DBH: variants seen among roughly 807,000 people sequenced by gnomAD.
DBH encodes the protein dopamine beta-hydroxylase (dopamine beta-monooxygenase).
In DBH, 49 loss-of-function variants were observed where a neutral mutation model predicts 64.0. The observed-to-expected ratio is 0.77, with a 90% confidence interval of 0.61 to 0.97. The LOEUF is 0.97. Ranked by LOEUF, DBH falls within the 50% of genes least tolerant of loss-of-function variation. DBH has a pLI of 0.00. For missense variants in DBH, 828 were observed against 826.6 expected (o/e 1.00, Z -0.02); for synonymous variants, 343 against 347.1 (o/e 0.99, Z 0.13).
chr9:133,655,832 A>G (rs965620583), intron 9 of DBH: 2 of 153,774 alleles, frequency 1.3e-5, no homozygotes, highest in Non-Finnish European at 2.9e-5. Flanking sequence ...TCTTCCTCCT[A>G]TGGCTGAGGC....
intron 5 of DBH, among the ~76,000 whole-genome samples, chr9:133,647,314 G>A (rs940100692): frequency 1.4e-4 from 22 of 152,178 alleles, no homozygotes; most frequent in African/African-American, 5.3e-4. Flanking sequence ...GCAGGGCCAG[G>A]GCTCTTCTGT....
intron 1 of DBH, 112 bp from the exon 2 acceptor site, chr9:133,639,734 C>T: frequency 8.3e-7 from 1 of 1,200,662 alleles, no homozygotes; most frequent in Non-Finnish European, 1.2e-6. Flanking sequence ...GGCCCAGCAT[C>T]CCCAGATCAG....
At position 133,643,166 on chromosome 9, in the gene DBH, C is replaced by A. The variant is rs1028926379; in HGVS notation, c.745-247C>A. On this transcript the variant is annotated intron_variant, in intron 3 of 11. Transcript: ENST00000393056. This position sits in a 1 kb window ranked among gnomAD's most constrained non-coding sequence, Gnocchi z 5.3. ...GGCCACAGCCCCATATGCATGAGGA[C>A]GGCTGCGTCCTGTCCCTGCCTTGGC... Among the ~76,000 whole-genome samples the A allele has an allele frequency of 7.0e-6, 1 of 143,366 alleles. No individual in the cohort carries two copies. The highest frequency in any genetic ancestry group is 1.9e-4 in the East Asian group (1 of 5,154). The allele number at this position is 143,366 out of a possible 152,430, so 94.1% of individuals were successfully genotyped here. A position where few individuals can be genotyped will look rare whatever the true frequency, so the allele number is the denominator to read the frequency against.
chr9:133,649,370 G>A (rs755620958), intron 6 of DBH, among the ~76,000 whole-genome samples: 1 of 152,200 alleles, frequency 6.6e-6, no homozygotes, highest in Non-Finnish European at 1.5e-5. Context: ...TTCACAGATG[G>A]GGAGACTGAG....
intron 8 of DBH, 91 bp from the exon 9 acceptor site, chr9:133,652,849 T>C (rs1165839810): frequency 5.8e-6 from 5 of 868,124 alleles, no homozygotes; most frequent in African/African-American, 5.0e-5. Flanking sequence ...TGCCGTGGCA[T>C]GCACAGTGGC....
chr9:133,637,429 G>T (rs1022098617), intron 1 of DBH, among the ~76,000 whole-genome samples: 1 of 152,260 alleles, frequency 6.6e-6, no homozygotes, highest in African/African-American at 2.4e-5. Flanking sequence ...CGAGCCCACC[G>T]CCTACAATGG....
rs373889996 is a variant in DBH, at chr9:133,642,330, G to A, written c.610G>A (p.Glu204Lys). Residue 204 changes from glutamate to lysine, a missense_variant, in exon 3 of 12, where the codon GAA becomes AAA. Coordinates refer to ENST00000393056, the MANE Select transcript of DBH (RefSeq NM_000787.4). Reference protein sequence around the residue: ...RVQLLKPNIPEPELPSDACTM... With the variant: ...RVQLLKPNIPKPELPSDACTM... The stretch of plus-strand genomic sequence containing the variant: ...GCAGCTCCTGAAGCCCAATATCCCC[G>A]AACCGGAGTTGCCCTCAGACGCGTG... 63 of 1,614,140 alleles carry A rather than the reference G, an allele frequency of 3.9e-5. No individual in the cohort carries two copies. The highest frequency in any genetic ancestry group is 1.8e-4 in the Admixed American group (11 of 60,016).
intron 6 of DBH, among the ~76,000 whole-genome samples, chr9:133,648,315 C>T (rs1353063587): frequency 6.6e-6 from 1 of 152,220 alleles, no homozygotes; most frequent in Admixed American, 6.5e-5. Flanking sequence ...CACACACATG[C>T]ACTTGCCACT....
chr9:133,642,506 C>T lies in DBH; in HGVS notation c.744+42C>T, dbSNP rs1302031574. ...GGCCGAGGTCCTCGCCCAGCCCTGC[C>T]TTCCTCCCGGGCCTGGGTTGTCCCT... is the stretch of plus-strand genomic sequence containing the variant. On this transcript the variant is annotated intron_variant, in intron 3 of 11. Coordinates refer to ENST00000393056, the MANE Select transcript of DBH (RefSeq NM_000787.4). The T allele has an allele frequency of 2.6e-6, 4 of 1,566,692 alleles. No individual in the cohort carries two copies. In the African/African-American group the frequency reaches 5.4e-5, roughly 21 times the overall value.
At position 133,644,216 on chromosome 9, in the gene DBH, A is replaced by G. The variant is rs1832155058; in HGVS notation, c.922-2A>G. On this transcript the variant is annotated splice_acceptor_variant, in intron 4 of 11. Transcript: ENST00000393056. LOFTEE classifies it high-confidence loss of function. Reference sequence around the variant, plus strand: ...GTCTGTCTGACACCTTGCCCCACACAGGCATTTTACTACCCAGAGGAAGCC... The same window carrying G: ...GTCTGTCTGACACCTTGCCCCACACGGGCATTTTACTACCCAGAGGAAGCC... 6.2e-7 allele frequency: 1 copy of G among 1,612,706 alleles called. No individual in the cohort carries two copies. The highest frequency in any genetic ancestry group is 8.5e-7 in the Non-Finnish European group (1 of 1,178,686).
At chr9:133,641,490 C>G (rs1832115684) in intron 2 of DBH, among the ~76,000 whole-genome samples, 1 of 152,232 alleles carries the variant, frequency 6.6e-6, no homozygotes, top group South Asian at 2.1e-4. Context: ...CACAGGGCGG[C>G]CCATCGGCTT....
rs773275072 is a variant in DBH, at chr9:133,656,562, G to A, written c.1474G>A (p.Val492Met). 30 of 1,613,786 alleles carry A rather than the reference G, an allele frequency of 1.9e-5. No individual in the cohort carries two copies. Among genetic ancestry groups the A allele is most frequent in the South Asian group, 7.7e-5 (7 of 91,088 alleles). ...CCTGGAGGAGATGTGTGTCAACTAC[G>A]TGCACTACTACCCCCAGACGCAGCT... Reference protein sequence around the residue: ...GILEEMCVNYVHYYPQTQLEL... With the variant: ...GILEEMCVNYMHYYPQTQLEL... Residue 492 changes from valine to methionine, a missense_variant, in exon 10 of 12, where the codon GTG becomes ATG. By Grantham distance (21) the Val-to-Met change is conservative. Transcript: ENST00000393056.
At chr9:133,651,550 G>T (rs1336418623) in intron 6 of DBH, 84 bp from the exon 7 acceptor site, 1 of 1,565,536 alleles carries the variant, frequency 6.4e-7, no homozygotes, top group Non-Finnish European at 8.7e-7. Flanking sequence ...GCCCAGGGTG[G>T]CTGCTCCCTA....
intron 5 of DBH, among the ~76,000 whole-genome samples, chr9:133,645,308 A>G (rs374542291): frequency 2.6e-4 from 40 of 151,766 alleles, no homozygotes; most frequent in African/African-American, 9.7e-4. Context: ...CTCCACATGC[A>G]CAGAGAAGGG....
chr9:133,657,276 A>G lies in DBH; in HGVS notation c.1722+47A>G, dbSNP rs199698683. On this transcript the variant is annotated intron_variant, in intron 11 of 11. Transcript: ENST00000393056. ...TGGGGCATGCAGTCAGGCAGGCCTCATGGGGGGCCCCAGTGAGGGGTGATG... is the reference window on the plus strand; with the variant it reads ...TGGGGCATGCAGTCAGGCAGGCCTCGTGGGGGGCCCCAGTGAGGGGTGATG... The G allele has an allele frequency of 5.4e-4, 867 of 1,610,378 alleles. 5 individuals carry two copies. In the African/African-American group the frequency reaches 6.2e-3, roughly 11 times the overall value.
intron 8 of DBH, 127 bp downstream of exon 8, chr9:133,652,411 G>C: frequency 8.6e-7 from 1 of 1,166,660 alleles, no homozygotes; most frequent in Non-Finnish European, 1.3e-6. Flanking sequence ...ATCCAGGGCA[G>C]GGGGAGGGTG....
chr9:133,645,954 T>C (rs1832176286), intron 5 of DBH, among the ~76,000 whole-genome samples: 3 of 152,208 alleles, frequency 2.0e-5, no homozygotes, highest in Admixed American at 2.0e-4. Context: ...TGTTAGTATC[T>C]GTACCACCCT....
intron 5 of DBH, among the ~76,000 whole-genome samples, chr9:133,646,616 C>T (rs1832185132): frequency 6.6e-6 from 1 of 152,206 alleles, no homozygotes; most frequent in African/African-American, 2.4e-5. Context: ...CTCCGCCTCC[C>T]AGGTTCAAGC....
rs367768437 is a variant in DBH, at chr9:133,636,992, G to A, written c.339+282G>A. Among the ~76,000 whole-genome samples the A allele has an allele frequency of 4.6e-5, 7 of 152,218 alleles. No homozygotes were observed. The South Asian group carries it at 1.5e-3, about 32-fold the overall frequency. On this transcript the variant is annotated intron_variant, in intron 1 of 11. Coordinates refer to ENST00000393056, the MANE Select transcript of DBH (RefSeq NM_000787.4). ...AGGAATGGAACTATACACAGAGGACGCACACACCACACACACTCGTGCCGC... is the reference window on the plus strand; with the variant it reads ...AGGAATGGAACTATACACAGAGGACACACACACCACACACACTCGTGCCGC...
Sources: gnomAD v4.1 joint callset for allele counts (sites outside exome capture counted in the v4.1 genomes callset) on GRCh38, gnomAD v4.1.1 for gene constraint, Gnocchi (gnomAD v3.1) non-coding constraint, MANE v1.5 for transcripts, NCBI Gene and HGNC (gene_info 2026-07-23, HGNC 2026-07-21) for gene names.